Variants in HTR2C observed in about 807,000 individuals in gnomAD.
HTR2C encodes the protein 5-hydroxytryptamine (serotonin) receptor 2C, G protein-coupled.
A neutral mutation model predicts 21.0 loss-of-function variants in HTR2C; 5 were observed. The ratio of observed to expected loss-of-function variants is 0.24; its 90% CI spans 0.12 to 0.50. The LOEUF is 0.50. Among genes scored for constraint, HTR2C ranks in the 20% least tolerant of loss-of-function variants. The pLI is 0.98. For synonymous variants in HTR2C, 150 were observed against 145.3 expected (o/e 1.03, Z -0.23); for missense variants, 271 against 371.2 (o/e 0.73, Z 2.22).
chrX:114,700,769 G>A (rs1006736685), intron 2 of HTR2C, among the ~76,000 whole-genome samples: 3 of 112,660 alleles, frequency 2.7e-5, no homozygotes, highest in Admixed American at 1.9e-4. Flanking sequence ...TGCCTCACTC[G>A]GGAAGCCCAA....
rs782282180 is a variant in HTR2C at position 114,631,306 on chromosome X, GAA to G, written c.-80+17440_-80+17441del. ...TGACAGAGCGAGACTCCGTCTCAAA[GAA>G]AAAAAAAAAAAAAAGTGACTATGTC... On this transcript the variant is annotated intron_variant, in intron 2 of 5. Coordinates refer to ENST00000276198, the MANE Select transcript of HTR2C (RefSeq NM_000868.4). Among the ~76,000 whole-genome samples, 247 of 89,527 alleles carry G rather than the reference GAA, an allele frequency of 2.8e-3. 1 individual carries two copies. The highest frequency in any genetic ancestry group is 5.7e-3 in the African/African-American group (139 of 24,205). 77.7% of individuals were successfully genotyped at this position (89,527 alleles called of 115,157 possible).
At chrX:114,620,571 A>C (rs1460202776) in intron 2 of HTR2C, among the ~76,000 whole-genome samples, 2 of 111,428 alleles carry the variant, frequency 1.8e-5, no homozygotes, top group Non-Finnish European at 3.8e-5. Context: ...ACATAATTGA[A>C]ATATGGTGTT....
chrX:114,802,837 C>T (rs1203802123), intron 4 of HTR2C, among the ~76,000 whole-genome samples: 2 of 100,550 alleles, frequency 2.0e-5, no homozygotes, highest in African/African-American at 3.6e-5. Flanking sequence ...CCCACTAACT[C>T]GTCATCTAGC....
intron 4 of HTR2C, among the ~76,000 whole-genome samples, chrX:114,769,210 G>GATTTTA (rs1183927604): frequency 9.0e-6 from 1 of 111,164 alleles, no homozygotes; most frequent in Non-Finnish European, 1.9e-5. Flanking sequence ...TTGAGGAAAT[G>GATTTTA]ATTTTATGCT....
intron 1 of HTR2C, among the ~76,000 whole-genome samples, chrX:114,605,377 G>A (rs1268291147): frequency 2.7e-5 from 3 of 109,974 alleles, no homozygotes; most frequent in Non-Finnish European, 5.7e-5. Flanking sequence ...GAAGGGAGAG[G>A]TCAGATGGGT....
rs782813508 is a variant in HTR2C, at chrX:114,894,092, T to C, written c.551-12497T>C. On this transcript the variant is annotated intron_variant, in intron 5 of 5. Coordinates refer to ENST00000276198, the MANE Select transcript of HTR2C (RefSeq NM_000868.4). ...CATTGCGGATGGGACTGCAAAATGG[T>C]ACTTTGTCAGTTTCTTAGAAAGTTA... Among the ~76,000 whole-genome samples the C allele has an allele frequency of 3.6e-5, 4 of 111,155 alleles. No individual in the cohort carries two copies. The South Asian group carries it at 1.5e-3, about 41-fold the overall frequency.
At chrX:114,616,591 A>G (rs953618926) in intron 2 of HTR2C, among the ~76,000 whole-genome samples, 2 of 93,971 alleles carry the variant, frequency 2.1e-5, no homozygotes, top group Admixed American at 1.1e-4. Flanking sequence ...CCAGCATTTT[A>G]AGCTATATAA....
chrX:114,732,737 C>T (rs781866589), intron 4 of HTR2C, among the ~76,000 whole-genome samples: 1 of 111,113 alleles, frequency 9.0e-6, no homozygotes, highest in South Asian at 3.8e-4. Flanking sequence ...GAAAAGATTA[C>T]TGGAATGAAG....
At chrX:114,778,776 T>C (rs782800235) in intron 4 of HTR2C, among the ~76,000 whole-genome samples, 34 of 111,491 alleles carry the variant, frequency 3.0e-4, no homozygotes, top group Non-Finnish European at 6.4e-4. Context: ...TAAAGCCTCA[T>C]CTGTAAGAGA....
chrX:114,749,810 T>A (rs1556427483), intron 4 of HTR2C, among the ~76,000 whole-genome samples: 1 of 112,350 alleles, frequency 8.9e-6, no homozygotes, highest in Non-Finnish European at 1.9e-5. Context: ...ATTGCTAGTC[T>A]AAATCTATTT....
Position 114,879,174 on chromosome X carries a change from C to A in HTR2C, c.551-27415C>A, listed in dbSNP as rs1354927866. On this transcript the variant is annotated intron_variant, in intron 5 of 5. Transcript: ENST00000276198. ...TATTTTGGGGCTCTGTTAGTAGGTG[C>A]AAATATACATTTTTAATTACTATAC... 6.5e-5 allele frequency among the ~76,000 whole-genome samples: 7 copies of A among 108,335 alleles called. No homozygotes were observed. The Admixed American group carries it at 7.0e-4, about 11-fold the overall frequency. The allele number at this position is 108,335 out of a possible 115,157, so 94.1% of individuals were successfully genotyped here. A position where few individuals can be genotyped will look rare whatever the true frequency, so the allele number is the denominator to read the frequency against.
At chrX:114,673,671 A>G (rs1056156440) in intron 2 of HTR2C, among the ~76,000 whole-genome samples, 1 of 111,811 alleles carries the variant, frequency 8.9e-6, no homozygotes, top group African/African-American at 3.2e-5. Flanking sequence ...ATTTGATTTC[A>G]GGTATGTGAA....
chrX:114,609,174 G>A (rs1244734615), intron 1 of HTR2C, among the ~76,000 whole-genome samples: 4 of 110,587 alleles, frequency 3.6e-5, no homozygotes, highest in South Asian at 3.8e-4. Flanking sequence ...AAATAAAATC[G>A]GAATATAGAA....
intron 2 of HTR2C, among the ~76,000 whole-genome samples, chrX:114,694,565 T>A (rs1020326766): frequency 9.5e-6 from 1 of 105,340 alleles, no homozygotes; most frequent in Non-Finnish European, 2.0e-5. Flanking sequence ...CTCGGCTTAC[T>A]GCAACCTCCG....
At chrX:114,786,934 C>T (rs782293558) in intron 4 of HTR2C, among the ~76,000 whole-genome samples, 6 of 111,160 alleles carry the variant, frequency 5.4e-5, no homozygotes, top group African/African-American at 2.0e-4. Flanking sequence ...CCCCTAAAAG[C>T]CATCATTGCT....
intron 1 of HTR2C, among the ~76,000 whole-genome samples, chrX:114,601,954 A>G (rs12556321): frequency 0.12 from 11,378 of 96,937 alleles, 646 homozygotes; most frequent in Middle Eastern, 0.18. Flanking sequence ...CATTTGTCGT[A>G]TAGAATGATT....
intron 4 of HTR2C, among the ~76,000 whole-genome samples, chrX:114,752,791 G>A (rs928512455): frequency 9.1e-6 from 1 of 110,095 alleles, no homozygotes; most frequent in Non-Finnish European, 1.9e-5. Context: ...ATTGCTAGTC[G>A]GCTTCATCCA....
chrX:114,712,132 C>T (rs782707981), intron 2 of HTR2C, among the ~76,000 whole-genome samples: 3 of 112,003 alleles, frequency 2.7e-5, no homozygotes, highest in South Asian at 7.3e-4. Flanking sequence ...ATTTAGTCAG[C>T]ATCATATGCA....
intron 4 of HTR2C, among the ~76,000 whole-genome samples, chrX:114,794,791 G>A (rs1205857405): frequency 9.1e-6 from 1 of 109,386 alleles, no homozygotes; most frequent in Non-Finnish European, 1.9e-5. Context: ...GGACATTTAG[G>A]TTGGTTCCAA....
Sources: allele counts gnomAD v4.1 joint callset (sites outside exome capture counted in the v4.1 genomes callset), GRCh38; gene constraint gnomAD v4.1.1; transcripts MANE v1.5; gene names NCBI Gene and HGNC (gene_info 2026-07-23, HGNC 2026-07-21).